PCM1: variants seen among roughly 807,000 people sequenced by gnomAD.
PCM1 encodes pericentriolar material 1 protein.
In PCM1, 157 loss-of-function variants were observed where a neutral mutation model predicts 241.9. That is an observed-to-expected ratio of 0.65 (90% confidence interval 0.57 to 0.74). The LOEUF (loss-of-function observed/expected upper bound fraction) is 0.74. Among genes scored for constraint, PCM1 ranks in the 30% least tolerant of loss-of-function variants. PCM1 has a pLI of 0.00. For synonymous variants in PCM1, 1,085 were observed against 784.9 expected, an observed-to-expected ratio of 1.38 and a Z score of -6.39; for missense variants, 3,478 against 2,360.1, an observed-to-expected ratio of 1.47 and a Z score of -9.81.
At chr8:18,009,456 T>A in intron 30 of PCM1, 91 bp from the exon 31 acceptor site, 1 of 771,676 alleles carries the variant, frequency 1.3e-6, no homozygotes, top group Non-Finnish European at 2.1e-6. Flanking sequence ...ATCATAAACA[T>A]TAGTTTTAAG....
Position 17,968,724 on chromosome 8 carries a change from GTA to G in PCM1, c.3413-847_3413-846del, listed in dbSNP as rs781291499. ...CCCAGCAATGTGTATATATATGGAT[GTA>G]TATATGTGTGTGTGTGTGTGTGTGT... On this transcript the variant is annotated intron_variant, in intron 21 of 38. Transcript: ENST00000325083. Among the ~76,000 whole-genome samples, 323 of 128,088 alleles carry G rather than the reference GTA, an allele frequency of 2.5e-3. 3 individuals carry two copies. The highest frequency in any genetic ancestry group is 0.016 in the South Asian group (63 of 4,062). 84.0% of individuals were successfully genotyped at this position (128,088 alleles called of 152,430 possible). A position where few individuals can be genotyped will look rare whatever the true frequency, so the allele number is the denominator to read the frequency against.
At chr8:17,928,383 C>T (rs1470090234) in intron 2 of PCM1, among the ~76,000 whole-genome samples, 1 of 152,152 alleles carries the variant, frequency 6.6e-6, no homozygotes, top group African/African-American at 2.4e-5. Context: ...AATGTACAGT[C>T]CTTCCTACTT....
At position 18,028,284 on chromosome 8, in the gene PCM1, C is replaced by G. The variant is rs2094358369; in HGVS notation, c.*622C>G. On this transcript the variant is annotated 3_prime_UTR_variant, in exon 39 of 39. Transcript: ENST00000325083. ...TTGAAATTGGATAATAAGTTTAGAA[C>G]ATAGGTTCTCAGTATCTAGAACTTA... 1 of 179,332 alleles carries G rather than the reference C, an allele frequency of 5.6e-6. No homozygotes were observed. The highest frequency in any genetic ancestry group is 6.5e-5 in the Admixed American group (1 of 15,280). The allele number at this position is 179,332 out of a possible 1,614,324, so 11.1% of individuals were successfully genotyped here. A position where few individuals can be genotyped will look rare whatever the true frequency, so the allele number is the denominator to read the frequency against.
intron 4 of PCM1, among the ~76,000 whole-genome samples, 152 bp downstream of exon 4, chr8:17,937,531 T>C (rs2129449540): frequency 6.6e-6 from 1 of 152,344 alleles, no homozygotes; most frequent in South Asian, 2.1e-4. Context: ...TCACTGGGGA[T>C]GGTCCTGTCT....
chr8:17,938,401 A>G (rs1210750144), intron 4 of PCM1, among the ~76,000 whole-genome samples: 1 of 152,158 alleles, frequency 6.6e-6, no homozygotes, highest in Non-Finnish European at 1.5e-5. Flanking sequence ...ATGTTTATGC[A>G]TATATTCCAA....
In PCM1 at chr8:17,964,648, T is replaced by C. The variant is rs1563985281; in HGVS notation, c.2735T>C (p.Ile912Thr). 3 of 1,613,786 alleles carry C rather than the reference T, an allele frequency of 1.9e-6. No individual in the cohort carries two copies. Among genetic ancestry groups the C allele is most frequent in the East Asian group, 2.2e-5 (1 of 44,878 alleles). Residue 912 changes from isoleucine to threonine, a missense_variant, in exon 18 of 39, where the codon ATT (isoleucine) becomes ACT (threonine). Physicochemically the swap from Ile to Thr is moderately conservative, Grantham distance 89 (BLOSUM62 -1). Transcript: ENST00000325083. ...GAAGACGGTTACCTTTCTGAAGGAATTGTTCGGACAGATGAAGAGGAGGAA... is the reference window on the plus strand; with the variant it reads ...GAAGACGGTTACCTTTCTGAAGGAACTGTTCGGACAGATGAAGAGGAGGAA... ...GDEDGYLSEG[I>T]VRTDEEEEEE...
chr8:17,967,883 T>C (rs1427243841), intron 21 of PCM1, among the ~76,000 whole-genome samples: 2 of 152,090 alleles, frequency 1.3e-5, no homozygotes, highest in African/African-American at 4.8e-5. Context: ...TCTGCACTCA[T>C]TATGTACCAG....
At chr8:17,926,148 A>T (rs528619300) in intron 2 of PCM1, 1 of 152,182 alleles carries the variant, frequency 6.6e-6, no homozygotes, top group South Asian at 2.1e-4. Context: ...AATAATTACA[A>T]AATTAGTTAT....
intron 29 of PCM1, among the ~76,000 whole-genome samples, chr8:18,004,632 C>CT (rs976791817): frequency 1.5e-4 from 23 of 152,196 alleles, no homozygotes; most frequent in African/African-American, 5.1e-4. Context: ...CAGATCTTGA[C>CT]TTTTTTTGTA....
chr8:17,982,295 T>G (rs2081119154), intron 24 of PCM1, among the ~76,000 whole-genome samples: 1 of 152,062 alleles, frequency 6.6e-6, no homozygotes, highest in African/African-American at 2.4e-5. Flanking sequence ...AAATAAACAG[T>G]CCGGTAGAGG....
intron 11 of PCM1, 78 bp from the exon 12 acceptor site, chr8:17,957,186 A>T: frequency 8.8e-7 from 1 of 1,138,360 alleles, no homozygotes; most frequent in Non-Finnish European, 1.2e-6. Flanking sequence ...GTGTTATTTT[A>T]TTAGCAGTTC....
intron 22 of PCM1, 100 bp from the exon 23 acceptor site, chr8:17,972,224 AATTTT>A (rs1277591758): frequency 1.8e-6 from 1 of 540,930 alleles, no homozygotes; most frequent in African/African-American, 2.4e-5. Flanking sequence ...GCCTGTTGAC[AATTTT>A]ATTCACCTAA....
Position 17,938,788 on chromosome 8 carries a change from A to C in PCM1, c.391A>C (p.Lys131Gln). The change falls in exon 5 of 39, where the codon AAA becomes CAA. Residue 131 changes from lysine (K) to glutamine (Q), a missense_variant. Physicochemically the swap from Lys to Gln is moderately conservative, Grantham distance 53. Transcript: ENST00000325083. ...SQGRATAANN[K>Q]RQLSENRKPF... The stretch of plus-strand genomic sequence containing the variant: ...AGGTAGAGCAACAGCTGCTAACAAC[A>C]AACGTCAGCTTAGTGAAAACCGAAA... The C allele has an allele frequency of 6.2e-7, 1 of 1,612,482 alleles. No homozygotes were observed. Among genetic ancestry groups the C allele is most frequent in the Non-Finnish European group, 8.5e-7 (1 of 1,178,462 alleles).
chr8:18,019,853 CA>C (rs1436951029), intron 36 of PCM1, among the ~76,000 whole-genome samples: 1 of 152,106 alleles, frequency 6.6e-6, no homozygotes, highest in East Asian at 1.9e-4. Flanking sequence ...AGTAAAGGTC[CA>C]TTACATAGGA....
chr8:18,000,310 A>AGAAGTTTGGACTTTGCTC (rs2088825985), intron 29 of PCM1, among the ~76,000 whole-genome samples: 2 of 152,334 alleles, frequency 1.3e-5, no homozygotes, highest in Admixed American at 1.3e-4. Flanking sequence ...GGCCATGGTT[A>AGAAGTTTGGACTTTGCTC]GAAGTTTGGA....
chr8:17,999,248 C>T (rs1288758299), intron 29 of PCM1, among the ~76,000 whole-genome samples: 1 of 152,046 alleles, frequency 6.6e-6, no homozygotes, highest in Non-Finnish European at 1.5e-5. Context: ...GCTCAGTATA[C>T]GTTGGATCTC....
At chr8:17,933,719 A>G (rs931187564) in intron 2 of PCM1, among the ~76,000 whole-genome samples, 4 of 152,108 alleles carry the variant, frequency 2.6e-5, no homozygotes, top group Admixed American at 2.0e-4. Context: ...CGTTCTCTAG[A>G]TTTTTAAAAA....
intron 7 of PCM1, 134 bp from the exon 8 acceptor site, chr8:17,950,481 C>T (rs7831481): frequency 1.7e-6 from 1 of 585,288 alleles, no homozygotes; most frequent in Non-Finnish European, 3.0e-6. Flanking sequence ...GCAGATAGAT[C>T]GGATTGTTAA....
intron 29 of PCM1, 166 bp from the exon 30 acceptor site, chr8:18,006,097 G>A (rs1588332107): frequency 1.7e-6 from 1 of 591,930 alleles, no homozygotes; most frequent in East Asian, 2.9e-5. Context: ...GAATAAAGTA[G>A]GAGTTTGGCT....
Sources: allele counts gnomAD v4.1 joint callset (sites outside exome capture counted in the v4.1 genomes callset), GRCh38; gene constraint gnomAD v4.1.1; transcripts MANE v1.5; gene names NCBI Gene and HGNC (gene_info 2026-07-23, HGNC 2026-07-21).